Variants in NUP188 observed in about 807,000 individuals in gnomAD.
The protein encoded by NUP188 is nucleoporin 188, also known as nucleoporin NUP188.
In NUP188, 97 loss-of-function variants were observed where a neutral mutation model predicts 223.0. The observed-to-expected ratio is 0.43, with a 90% CI of 0.37 to 0.51. The LOEUF (loss-of-function observed/expected upper bound fraction) is 0.51, where lower values mean the gene tolerates loss of function less well. Ranked by LOEUF, NUP188 falls within the 20% of genes least tolerant of loss-of-function variation. NUP188 has a pLI of 0.00. For synonymous variants in NUP188, 869 were observed against 828.0 expected (o/e 1.05, Z -0.85); for missense variants, 1,947 against 2,175.6 (o/e 0.89, Z 2.09).
chr9:128,964,250 T>A (rs769652778), intron 8 of NUP188: 6 of 375,416 alleles, frequency 1.6e-5, no homozygotes, highest in African/African-American at 4.4e-5. Flanking sequence ...ATGTTTGTCT[T>A]ATCAAATTGT....
chr9:128,950,702 A>G (rs1047054454), intron 2 of NUP188, among the ~76,000 whole-genome samples: 1 of 152,122 alleles, frequency 6.6e-6, no homozygotes, highest in African/African-American at 2.4e-5. Flanking sequence ...AAAATTAGCC[A>G]GGCATGGTGG....
chr9:128,969,480 T>C lies in NUP188; in HGVS notation c.878T>C (p.Leu293Pro). 1.3e-6 allele frequency: 2 copies of C among 1,591,510 alleles called. No individual in the cohort carries two copies. Among genetic ancestry groups the C allele is most frequent in the Non-Finnish European group, 1.7e-6 (2 of 1,172,514 alleles). Residue 293 changes from leucine (L) to proline (P), a missense_variant, in exon 10 of 44, where the codon CTG becomes CCG. Transcript: ENST00000372577. ...HKCALDDRRE[L>P]HQFAQDGLIC... ...TGTGCTTTGGATGACAGAAGAGAAC[T>C]GCATCAGTTTGCGCAGGATGGGCTT... is the stretch of plus-strand genomic sequence containing the variant.
At position 128,983,518 on chromosome 9, in the gene NUP188, C is replaced by A. The variant is rs772325269; in HGVS notation, c.1929C>A (p.Ala643=). ...LRHTGFLPFV[A]HPVSSLSQMI... Reference sequence around the variant, plus strand: ...ACACAGGTTTTTTACCATTTGTGGCCCATCCTGTCTCCAGCCTGAGTCAGA... The same window carrying A: ...ACACAGGTTTTTTACCATTTGTGGCACATCCTGTCTCCAGCCTGAGTCAGA... Residue 643 remains alanine (A), a synonymous_variant, in exon 19 of 44, where the codon GCC becomes GCA. Coordinates refer to ENST00000372577, the MANE Select transcript of NUP188 (RefSeq NM_015354.3). 4 of 1,614,066 alleles carry A rather than the reference C, an allele frequency of 2.5e-6. No individual in the cohort carries two copies. The highest frequency in any genetic ancestry group is 3.4e-6 in the Non-Finnish European group (4 of 1,179,976).
rs369165130 is a variant in NUP188, at chr9:128,994,971, G to T, written c.3155+48G>T. ...ATTTTAACTGAAGGTTGGGGGAGTG[G>T]GAGTTGGTGGCCTACCACTGGGTGC... On this transcript the variant is annotated intron_variant, in intron 29 of 43. Coordinates refer to ENST00000372577, the MANE Select transcript of NUP188 (RefSeq NM_015354.3). 17 of 1,405,822 alleles carry T rather than the reference G, an allele frequency of 1.2e-5. 1 individual carries two copies. In the African/African-American group the frequency reaches 2.1e-4, roughly 18 times the overall value. 87.1% of individuals were successfully genotyped at this position (1,405,822 alleles called of 1,614,324 possible). A position where few individuals can be genotyped will look rare whatever the true frequency, so the allele number is the denominator to read the frequency against.
rs1288749639 is a variant in NUP188, at chr9:128,984,946, A to G, written c.2008A>G (p.Ser670Gly). The G allele has an allele frequency of 1.2e-6, 2 of 1,614,020 alleles. No individual in the cohort carries two copies. The highest frequency in any genetic ancestry group is 8.5e-7 in the Non-Finnish European group (1 of 1,179,964). Residue 670 changes from serine to glycine, a missense_variant, in exon 20 of 44, where the codon AGT becomes GGT. Ser to Gly is a moderately conservative substitution (Grantham distance 56, BLOSUM62 0). Transcript: ENST00000372577. Reference protein sequence around the residue: ...AGGYGNLLMNSEQPQGEYGVT... With the variant: ...AGGYGNLLMNGEQPQGEYGVT... ...AGGGTACGGAAACCTCTTGATGAAC[A>G]GTGAACAGCCTCAGGGCGAGTATGG...
chr9:128,998,392 C>A lies in NUP188; in HGVS notation c.3430-146C>A, dbSNP rs554538982. The A allele has an allele frequency of 6.3e-6, 6 of 951,120 alleles. No individual in the cohort carries two copies. In the African/African-American group the frequency reaches 8.0e-5, roughly 13 times the overall value. 58.9% of individuals were successfully genotyped at this position (951,120 alleles called of 1,614,324 possible). On this transcript the variant is annotated intron_variant, in intron 31 of 43. Coordinates refer to ENST00000372577, the MANE Select transcript of NUP188 (RefSeq NM_015354.3). ...GTAGTGGGTCAGCAGAGCTCTGCTG[C>A]TGCCATGCCAACCCTGGCTTCTCCC...
intron 34 of NUP188, among the ~76,000 whole-genome samples, chr9:129,001,109 T>G (rs913674716): frequency 1.3e-5 from 2 of 151,922 alleles, no homozygotes; most frequent in Non-Finnish European, 2.9e-5. Flanking sequence ...AAGGATAGAT[T>G]AGAGAGGATG....
intron 12 of NUP188, among the ~76,000 whole-genome samples, chr9:128,978,556 CAAAAAAAAAAA>C (rs57813508): frequency 1.5e-4 from 10 of 67,640 alleles, no homozygotes; most frequent in Admixed American, 6.5e-4. Flanking sequence ...GAGTGAGACT[CAAAAAAAAAAA>C]AAAAAAAAAA....
At chr9:128,984,170 C>T (rs920950596) in intron 19 of NUP188, among the ~76,000 whole-genome samples, 8 of 131,666 alleles carry the variant, frequency 6.1e-5, no homozygotes, top group Non-Finnish European at 1.2e-4. Flanking sequence ...CTTGTTGCCC[C>T]GGCTGGAGTG....
intron 3 of NUP188, among the ~76,000 whole-genome samples, chr9:128,954,071 C>T (rs1041023451): frequency 2.6e-5 from 4 of 152,196 alleles, no homozygotes; most frequent in Non-Finnish European, 5.9e-5. Flanking sequence ...CTCAAGTGAT[C>T]TGCTCACCTC....
chr9:128,991,321 T>C (rs796177395), intron 25 of NUP188, among the ~76,000 whole-genome samples: 82 of 152,062 alleles, frequency 5.4e-4, no homozygotes, highest in African/African-American at 1.7e-3. Flanking sequence ...AGGTGGATCA[T>C]GAGGTCAGGG....
chr9:128,963,369 T>C (rs933055776), intron 8 of NUP188, among the ~76,000 whole-genome samples: 3 of 149,066 alleles, frequency 2.0e-5, no homozygotes, highest in African/African-American at 4.9e-5. Context: ...CACTGCAACC[T>C]CTGCCTCCTG....
chr9:128,949,305 A>G, intron 2 of NUP188, 62 bp downstream of exon 2: 1 of 1,225,790 alleles, frequency 8.2e-7, no homozygotes, highest in South Asian at 1.3e-5. Context: ...GTTACCAAAA[A>G]AAACCTTTTT....
chr9:128,979,162 T>C, intron 12 of NUP188, 100 bp from the exon 13 acceptor site: 2 of 806,688 alleles, frequency 2.5e-6, no homozygotes, highest in Non-Finnish European at 2.1e-6. Flanking sequence ...CTTTAGTGTT[T>C]ATTGGTGTTT....
intron 12 of NUP188, among the ~76,000 whole-genome samples, chr9:128,977,029 C>T (rs892602647): frequency 2.6e-5 from 4 of 151,634 alleles, no homozygotes; most frequent in East Asian, 1.9e-4. Flanking sequence ...GCTGAGATGG[C>T]GTCGCTGCAC....
chr9:128,987,174 C>G (rs1347379823), intron 22 of NUP188, among the ~76,000 whole-genome samples: 1 of 146,284 alleles, frequency 6.8e-6, no homozygotes. Flanking sequence ...TCTTTATGAT[C>G]GTTACAAAAG....
At chr9:128,959,453 G>A (rs1019228284) in intron 8 of NUP188, among the ~76,000 whole-genome samples, 1 of 151,596 alleles carries the variant, frequency 6.6e-6, no homozygotes, top group Admixed American at 6.6e-5. Flanking sequence ...ATAACTCTTA[G>A]GAGAATTGTA....
intron 3 of NUP188, among the ~76,000 whole-genome samples, chr9:128,953,128 A>T (rs1004638695): frequency 2.0e-5 from 3 of 152,246 alleles, no homozygotes; most frequent in Non-Finnish European, 4.4e-5. Flanking sequence ...ATTTATTCAG[A>T]GTCCACAGTG....
chr9:129,005,752 T>C lies in NUP188; in HGVS notation c.4845T>C (p.Asn1615=). The C allele has an allele frequency of 1.2e-6, 2 of 1,613,664 alleles. No individual in the cohort carries two copies. Among genetic ancestry groups the C allele is most frequent in the East Asian group, 2.2e-5 (1 of 44,876 alleles). The part of the protein sequence containing the change: ...PSFGTLLATV[N]VALNMLGELD... ...TCGGGACCCTTCTGGCCACAGTGAA[T>C]GTGGCCCTCAACATGCTTGGAGAGG... The change falls in exon 41 of 44, where the codon AAT becomes AAC. Residue 1615 remains asparagine, a synonymous_variant. Coordinates refer to ENST00000372577, the MANE Select transcript of NUP188 (RefSeq NM_015354.3).
Sources: allele counts gnomAD v4.1 joint callset (sites outside exome capture counted in the v4.1 genomes callset), GRCh38; gene constraint gnomAD v4.1.1; transcripts MANE v1.5; gene names NCBI Gene and HGNC (gene_info 2026-07-23, HGNC 2026-07-21).